FAM118B: variants seen among roughly 807,000 people sequenced by gnomAD.
FAM118B encodes the protein SIR2 antiphage like 1, also known as protein FAM118B.
FAM118B carries 24 observed loss-of-function variants against 38.5 expected under a neutral mutation model. That is an observed-to-expected ratio of 0.62 (90% CI 0.45 to 0.88). The LOEUF (loss-of-function observed/expected upper bound fraction) is 0.88. FAM118B is among the 40% of genes least tolerant of loss of function. The pLI is 0.00. For missense variants in FAM118B, 334 were observed against 420.0 expected (o/e 0.80, Z 1.79); for synonymous variants, 138 against 156.3 (o/e 0.88, Z 0.87).
chr11:126,234,958 G>T, intron 2 of FAM118B, 37 bp from the exon 3 acceptor site: 2 of 1,486,576 alleles, frequency 1.3e-6, no homozygotes, highest in Non-Finnish European at 1.9e-6. Context: ...ATACTTTACA[G>T]ATCTAATTGT....
chr11:126,256,946 A>G lies in FAM118B; in HGVS notation c.982+94A>G. 7.6e-7 allele frequency: 1 copy of G among 1,312,386 alleles called. No homozygotes were observed. 81.3% of individuals were successfully genotyped at this position (1,312,386 alleles called of 1,614,324 possible). On this transcript the variant is annotated intron_variant, in intron 7 of 8. Transcript: ENST00000533050. This position sits in a 1 kb window ranked among gnomAD's most constrained non-coding sequence, Gnocchi z 6.6. Reference sequence around the variant, plus strand: ...TGTGATGGGCAAAATAGTTGCCAAGATGAGGAATGTAATGACTGACCAAAT... The same window carrying G: ...TGTGATGGGCAAAATAGTTGCCAAGGTGAGGAATGTAATGACTGACCAAAT...
At chr11:126,241,180 C>A in intron 4 of FAM118B, 136 bp downstream of exon 4, 1 of 955,422 alleles carries the variant, frequency 1.0e-6, no homozygotes, top group Non-Finnish European at 1.5e-6. Flanking sequence ...GTTTCCATAA[C>A]ATTTGACTCT....
rs549166963 is a variant in FAM118B, at chr11:126,237,554, A to G, written c.86+2467A>G. Among the ~76,000 whole-genome samples the G allele has an allele frequency of 3.2e-4, 45 of 141,396 alleles. 2 individuals are homozygous for G. The South Asian group carries it at 0.011, about 33-fold the overall frequency. 92.8% of individuals were successfully genotyped at this position (141,396 alleles called of 152,430 possible). On this transcript the variant is annotated intron_variant, in intron 3 of 8. Coordinates refer to ENST00000533050, the MANE Select transcript of FAM118B (RefSeq NM_024556.4). ...CACCTGGCCAATTTTAAAAAAATCT[A>G]GGCCAGGCTCGGTGGCTCACGCCTG...
intron 2 of FAM118B, among the ~76,000 whole-genome samples, chr11:126,231,294 C>A (rs1950203547): frequency 6.6e-6 from 1 of 152,078 alleles, no homozygotes; most frequent in Non-Finnish European, 1.5e-5. Flanking sequence ...CTATACATAG[C>A]AAGTCCCACA....
chr11:126,213,700 A>G (rs1016210120), intron 1 of FAM118B, among the ~76,000 whole-genome samples: 12 of 152,196 alleles, frequency 7.9e-5, no homozygotes, highest in African/African-American at 2.9e-4. Context: ...ACCTTATGGC[A>G]TTCAAGAAAC....
At chr11:126,227,492 A>G (rs547781788) in intron 1 of FAM118B, among the ~76,000 whole-genome samples, 1 of 152,328 alleles carries the variant, frequency 6.6e-6, no homozygotes, top group Non-Finnish European at 1.5e-5. Context: ...TGTACACCTG[A>G]ATGTGAACTC....
intron 2 of FAM118B, among the ~76,000 whole-genome samples, chr11:126,230,487 C>A (rs1055783083): frequency 6.6e-6 from 1 of 152,184 alleles, no homozygotes; most frequent in Admixed American, 6.5e-5. Context: ...GAGAAATAAA[C>A]CATTCTTTAT....
intron 1 of FAM118B, among the ~76,000 whole-genome samples, chr11:126,219,870 AAGC>A (rs1950040698): frequency 6.6e-6 from 1 of 151,632 alleles, no homozygotes; most frequent in Admixed American, 6.6e-5. Flanking sequence ...AAAAAAAAAA[AAGC>A]AGCTCGAGCT....
chr11:126,240,304 T>C (rs1345921818), intron 3 of FAM118B, among the ~76,000 whole-genome samples: 2 of 152,062 alleles, frequency 1.3e-5, no homozygotes, highest in African/African-American at 4.8e-5. Context: ...GGTTAATGTT[T>C]ACAAAATTCA....
At chr11:126,237,750 G>A (rs1218490327) in intron 3 of FAM118B, among the ~76,000 whole-genome samples, 12 of 146,202 alleles carry the variant, frequency 8.2e-5, no homozygotes, top group Admixed American at 7.5e-4. Context: ...CCAGCTACTC[G>A]GGAGGCTGAG....
rs1287013077 is a variant in FAM118B at position 126,240,990 on chromosome 11, T to G, written c.285T>G (p.His95Gln). Reference sequence around the variant, plus strand: ...GCAAAAAGTTTCAGAAATGTCTCCATGAAGACAAGAACCTGGTCCATGTTG... The same window carrying G: ...GCAAAAAGTTTCAGAAATGTCTCCAGGAAGACAAGAACCTGGTCCATGTTG... ...EESKKFQKCL[H>Q]EDKNLVHVAH... Residue 95 changes from histidine to glutamine, a missense_variant, in exon 4 of 9, where the codon CAT becomes CAG. Around this residue, in one of 3 missense-constraint regions of FAM118B, gnomAD observed 240 missense variants for 295.9 expected, o/e 0.81. Coordinates refer to ENST00000533050, the MANE Select transcript of FAM118B (RefSeq NM_024556.4). The G allele has an allele frequency of 6.2e-7, 1 of 1,613,834 alleles. No individual in the cohort carries two copies. Among genetic ancestry groups the G allele is most frequent in the Non-Finnish European group, 8.5e-7 (1 of 1,179,970 alleles).
intron 7 of FAM118B, among the ~76,000 whole-genome samples, chr11:126,259,448 A>G (rs1328378700): frequency 7.6e-6 from 1 of 131,744 alleles, no homozygotes; most frequent in Non-Finnish European, 1.6e-5. Flanking sequence ...TTTTTTTGAG[A>G]TGGAGTCTCG....
chr11:126,241,618 C>T (rs867269500), intron 4 of FAM118B, among the ~76,000 whole-genome samples: 5 of 152,010 alleles, frequency 3.3e-5, no homozygotes, highest in Middle Eastern at 3.4e-3. Flanking sequence ...GGTTCGATCT[C>T]GCCTCATGGC....
Position 126,253,843 on chromosome 11 carries a change from C to T in FAM118B, c.568-462C>T, listed in dbSNP as rs962358346. On this transcript the variant is annotated intron_variant, in intron 5 of 8. Transcript: ENST00000533050. The surrounding 1 kb of genome is among the most constrained non-coding windows in gnomAD (Gnocchi z 5.1). Reference sequence around the variant, plus strand: ...AAGTAACACAAGAGAAGTAAGACTTCTTGTGCCAACACTTTTCAAGCTTCT... The same window carrying T: ...AAGTAACACAAGAGAAGTAAGACTTTTTGTGCCAACACTTTTCAAGCTTCT... Among the ~76,000 whole-genome samples the T allele has an allele frequency of 3.9e-5, 6 of 152,192 alleles. No individual in the cohort carries two copies. Among genetic ancestry groups the T allele is most frequent in the Non-Finnish European group, 7.3e-5 (5 of 68,042 alleles).
intron 1 of FAM118B, among the ~76,000 whole-genome samples, chr11:126,222,691 C>T (rs1245779725): frequency 6.6e-6 from 1 of 152,192 alleles, no homozygotes; most frequent in Non-Finnish European, 1.5e-5. Context: ...CCAAATTCAT[C>T]CTAATTTTTG....
At chr11:126,241,184 T>A in intron 4 of FAM118B, 140 bp downstream of exon 4, 1 of 912,578 alleles carries the variant, frequency 1.1e-6, no homozygotes, top group Non-Finnish European at 1.6e-6. Context: ...CCATAACATT[T>A]GACTCTTCTG....
At chr11:126,214,959 G>A (rs1217640123) in intron 1 of FAM118B, among the ~76,000 whole-genome samples, 1 of 152,158 alleles carries the variant, frequency 6.6e-6, no homozygotes, top group Non-Finnish European at 1.5e-5. Flanking sequence ...ACTGTGATTT[G>A]CTAGTTGCAG....
Position 126,256,791 on chromosome 11 carries a change from T to TGCC in FAM118B, c.923_925dup (p.Ala308dup), listed in dbSNP as rs1950585657. ...AAGTCATCTCCTATGGAGATGACTA[T>TGCC]GCCGATCTTCCAGAATATTTCAAGC... is the stretch of plus-strand genomic sequence containing the variant. On this transcript the variant is annotated inframe_insertion, in exon 7 of 9. Coordinates refer to ENST00000533050, the MANE Select transcript of FAM118B (RefSeq NM_024556.4). The surrounding 1 kb of genome is among the most constrained non-coding windows in gnomAD (Gnocchi z 6.6). 8.7e-6 allele frequency: 14 copies of TGCC among 1,614,014 alleles called. No individual in the cohort carries two copies. The highest frequency in any genetic ancestry group is 1.1e-5 in the Non-Finnish European group (13 of 1,179,926).
chr11:126,256,781 G>GAT lies in FAM118B; in HGVS notation c.912_913insTA (p.Asp305Ter). 4 of 1,614,058 alleles carry GAT rather than the reference G, an allele frequency of 2.5e-6. No individual in the cohort carries two copies. Among genetic ancestry groups the GAT allele is most frequent in the Non-Finnish European group, 3.4e-6 (4 of 1,179,970 alleles). ...AAGGGGATTAAAGTCATCTCCTATG[G>GAT]AGATGACTATGCCGATCTTCCAGAA... On this transcript the variant is annotated frameshift_variant, in exon 7 of 9. Transcript: ENST00000533050. LOFTEE classifies it high-confidence loss of function. The surrounding 1 kb of genome is among the most constrained non-coding windows in gnomAD (Gnocchi z 6.6).
Sources: allele counts gnomAD v4.1 joint callset (sites outside exome capture counted in the v4.1 genomes callset), GRCh38; gene constraint gnomAD v4.1.1; regional missense constraint gnomAD v4.1.1; non-coding constraint Gnocchi (gnomAD v3.1); transcripts MANE v1.5; gene names NCBI Gene and HGNC (gene_info 2026-07-23, HGNC 2026-07-21).